GRID2: variants seen among roughly 807,000 people sequenced by gnomAD.
GRID2 encodes glutamate ionotropic receptor delta type subunit 2.
A neutral mutation model predicts 114.8 loss-of-function variants in GRID2; 33 were observed. That is an observed-to-expected ratio of 0.29 (90% CI 0.22 to 0.38). The LOEUF (loss-of-function observed/expected upper bound fraction) is 0.38, where lower values mean the gene tolerates loss of function less well. Ranked by LOEUF, GRID2 falls within the 10% of genes least tolerant of loss-of-function variation. GRID2 has a pLI of 1.00. For missense variants in GRID2, 1,184 were observed against 1,257.7 expected (o/e 0.94, Z 0.89); for synonymous variants, 505 against 449.9 (o/e 1.12, Z -1.55).
At chr4:93,784,596 T>G (rs776229149) in intron 1 of GRID2, among the ~76,000 whole-genome samples, 1 of 151,714 alleles carries the variant, frequency 6.6e-6, no homozygotes, top group Non-Finnish European at 1.5e-5. Context: ...AAAAAAAAAT[T>G]TGTTGATTTA....
At chr4:92,908,393 A>AAGAAC (rs1748115707) in intron 2 of GRID2, among the ~76,000 whole-genome samples, 1 of 152,126 alleles carries the variant, frequency 6.6e-6, no homozygotes, top group Non-Finnish European at 1.5e-5. Context: ...TAGAGTTCTT[A>AAGAAC]TTTTGTAGTA....
At chr4:93,482,594 A>C (rs1725984360) in intron 11 of GRID2, among the ~76,000 whole-genome samples, 1 of 151,956 alleles carries the variant, frequency 6.6e-6, no homozygotes, top group Non-Finnish European at 1.5e-5. Context: ...TGAGGGGCTT[A>C]AAACCTAAAT....
At chr4:92,736,715 T>G (rs1045012230) in intron 2 of GRID2, among the ~76,000 whole-genome samples, 1 of 152,128 alleles carries the variant, frequency 6.6e-6, no homozygotes, top group African/African-American at 2.4e-5. Flanking sequence ...AATTTACTAT[T>G]AACCTAAACA....
At chr4:93,387,852 A>G (rs935445014) in intron 8 of GRID2, among the ~76,000 whole-genome samples, 1 of 151,280 alleles carries the variant, frequency 6.6e-6, no homozygotes, top group Non-Finnish European at 1.5e-5. Flanking sequence ...AAAAAGAAAG[A>G]AATGATGTAC....
chr4:93,447,724 T>C (rs1722223018), intron 10 of GRID2, among the ~76,000 whole-genome samples: 1 of 151,762 alleles, frequency 6.6e-6, no homozygotes, highest in South Asian at 2.1e-4. Flanking sequence ...CAGGAAAGAG[T>C]AGGCCAAATG....
At chr4:92,694,110 G>A (rs913062504) in intron 2 of GRID2, among the ~76,000 whole-genome samples, 4 of 152,130 alleles carry the variant, frequency 2.6e-5, no homozygotes, top group African/African-American at 7.2e-5. Flanking sequence ...CTTAAAACTC[G>A]AAAAGTGTAA....
chr4:93,580,068 A>C (rs1199913750), intron 13 of GRID2, among the ~76,000 whole-genome samples: 1 of 152,216 alleles, frequency 6.6e-6, no homozygotes, highest in Non-Finnish European at 1.5e-5. Context: ...TTTTTGTAGA[A>C]GGCACATAAC....
rs6848720 is a variant in GRID2, at chr4:93,217,091, A to T, written c.963+180A>T. On this transcript the variant is annotated intron_variant, in intron 6 of 15. Coordinates refer to ENST00000282020, the MANE Select transcript of GRID2 (RefSeq NM_001510.4). ...AGAATTTGCGTCTTTGTTCTTTTTG[A>T]TCTCATTATAGAAAAATTTCTACTT... 8,950 of 435,546 alleles carry T rather than the reference A, an allele frequency of 0.021. 628 individuals carry two copies. Among genetic ancestry groups the T allele is most frequent in the African/African-American group, 0.15 (7,677 of 50,458 alleles). The allele number at this position is 435,546 out of a possible 1,614,324, so 27.0% of individuals were successfully genotyped here.
At chr4:93,716,130 C>T (rs1424697239) in intron 14 of GRID2, among the ~76,000 whole-genome samples, 1 of 152,024 alleles carries the variant, frequency 6.6e-6, no homozygotes, top group East Asian at 1.9e-4. Context: ...ATTCTGCTTA[C>T]CTGGAACCAT....
chr4:92,986,933 C>T (rs1014717390), intron 2 of GRID2, among the ~76,000 whole-genome samples: 1 of 152,052 alleles, frequency 6.6e-6, no homozygotes, highest in Non-Finnish European at 1.5e-5. Flanking sequence ...AGGGTCTTTC[C>T]TTCCTTCTTT....
chr4:93,050,127 T>C (rs759242066), intron 2 of GRID2, among the ~76,000 whole-genome samples: 9 of 152,044 alleles, frequency 5.9e-5, no homozygotes, highest in Non-Finnish European at 1.2e-4. Flanking sequence ...AGACCATTAC[T>C]GGAAAACAAA....
intron 11 of GRID2, among the ~76,000 whole-genome samples, chr4:93,471,799 C>A (rs1341591214): frequency 7.0e-6 from 1 of 142,824 alleles, no homozygotes; most frequent in South Asian, 2.3e-4. Context: ...CTCCTGGGTT[C>A]AAGTGATTCT....
intron 4 of GRID2, among the ~76,000 whole-genome samples, chr4:93,155,906 T>C (rs1478306932): frequency 1.3e-5 from 2 of 151,524 alleles, no homozygotes; most frequent in African/African-American, 2.4e-5. Context: ...TAGTATATGA[T>C]AGCACAACAG....
rs1732028637 is a variant in GRID2, at chr4:92,652,912, TTATAAATACA to T, written c.244+62635_244+62644del. Among the ~76,000 whole-genome samples, 3 of 132,476 alleles carry T rather than the reference TTATAAATACA, an allele frequency of 2.3e-5. No homozygotes were observed. In the South Asian group the frequency reaches 7.5e-4, roughly 33 times the overall value. 86.9% of individuals were successfully genotyped at this position (132,476 alleles called of 152,430 possible). A position where few individuals can be genotyped will look rare whatever the true frequency, so the allele number is the denominator to read the frequency against. On this transcript the variant is annotated intron_variant, in intron 2 of 15. Transcript: ENST00000282020. Reference sequence around the variant, plus strand: ...TTTATAAATACATATAAATATATATTTATAAATACATATAAATATATATAAACATATATTT... The same window carrying T: ...TTTATAAATACATATAAATATATATTTATAAATATATATAAACATATATTT...
At chr4:93,419,351 G>A (rs1262707176) in intron 9 of GRID2, among the ~76,000 whole-genome samples, 5 of 151,832 alleles carry the variant, frequency 3.3e-5, no homozygotes, top group Non-Finnish European at 5.9e-5. Flanking sequence ...TTTAGAGATA[G>A]GTACATAGAT....
At chr4:93,594,734 G>T (rs1377655056) in intron 13 of GRID2, among the ~76,000 whole-genome samples, 5 of 152,202 alleles carry the variant, frequency 3.3e-5, no homozygotes, top group African/African-American at 1.2e-4. Context: ...CTCTGAGCCA[G>T]GTGCGGGATA....
At chr4:93,591,459 A>G (rs184286861) in intron 13 of GRID2, among the ~76,000 whole-genome samples, 1 of 151,630 alleles carries the variant, frequency 6.6e-6, no homozygotes, top group Non-Finnish European at 1.5e-5. Context: ...TCGGTTTGCC[A>G]GTATTTTATT....
chr4:93,256,107 T>A (rs1164344122), intron 8 of GRID2, among the ~76,000 whole-genome samples: 1 of 152,104 alleles, frequency 6.6e-6, no homozygotes, highest in East Asian at 1.9e-4. Context: ...TCTTTTGACT[T>A]TCTCCTACAA....
intron 2 of GRID2, among the ~76,000 whole-genome samples, chr4:92,913,687 A>G (rs923169549): frequency 9.9e-5 from 15 of 152,036 alleles, no homozygotes; most frequent in African/African-American, 3.6e-4. Flanking sequence ...TAGAAAATAT[A>G]GTAGATTTTT....
Sources: gnomAD v4.1 joint callset for allele counts (sites outside exome capture counted in the v4.1 genomes callset) on GRCh38, gnomAD v4.1.1 for gene constraint, MANE v1.5 for transcripts, NCBI Gene and HGNC (gene_info 2026-07-23, HGNC 2026-07-21) for gene names.